The following PUM2 variants were observed in gnomAD, a reference collection of about 807,000 sequenced individuals.
The protein encoded by PUM2 is pumilio homolog 2.
A neutral mutation model predicts 124.5 loss-of-function variants in PUM2; 57 were observed. The ratio of observed to expected loss-of-function variants is 0.46; its 90% CI spans 0.37 to 0.57. PUM2 has a LOEUF of 0.57. Ranked by LOEUF, PUM2 falls within the 20% of genes least tolerant of loss-of-function variation. The pLI, the probability that PUM2 is intolerant of heterozygous loss-of-function variation, is 0.00. For synonymous variants in PUM2, 460 were observed against 446.1 expected (o/e 1.03, Z -0.39); for missense variants, 1,065 against 1,290.6 (o/e 0.83, Z 2.68).
At chr2:20,270,345 A>C (rs542115444) in intron 13 of PUM2, among the ~76,000 whole-genome samples, 1 of 152,326 alleles carries the variant, frequency 6.6e-6, no homozygotes, top group East Asian at 1.9e-4. Flanking sequence ...ATTGGAGTGA[A>C]GAAAAATTAT....
intron 3 of PUM2, among the ~76,000 whole-genome samples, chr2:20,313,612 T>C (rs908956897): frequency 2.6e-5 from 4 of 152,048 alleles, no homozygotes; most frequent in African/African-American, 9.7e-5. Context: ...GGAGGATCAC[T>C]TGAGCAGAGG....
At position 20,297,347 on chromosome 2, in the gene PUM2, G is replaced by A. The variant is rs3732159; in HGVS notation, c.1009+206C>T. Among the ~76,000 whole-genome samples the A allele has an allele frequency of 4.6e-5, 7 of 152,204 alleles. No homozygotes were observed. In the East Asian group the frequency reaches 9.6e-4, roughly 21 times the overall value. ...TGAAATGTAAGCCAATTACGTATACGAGGAAAAGTTATTGCTTAAGCTTTT... is the reference window on the plus strand; with the variant it reads ...TGAAATGTAAGCCAATTACGTATACAAGGAAAAGTTATTGCTTAAGCTTTT... On this transcript the variant is annotated intron_variant, in intron 8 of 20. Transcript: ENST00000361078.
chr2:20,318,652 G>A lies in PUM2; in HGVS notation c.52-7C>T, dbSNP rs751707197. 3.8e-6 allele frequency: 6 copies of A among 1,591,888 alleles called. No homozygotes were observed. The highest frequency in any genetic ancestry group is 1.7e-4 in the Middle Eastern group (1 of 6,040). On this transcript the variant is annotated splice_region_variant and splice_polypyrimidine_tract_variant and intron_variant, in intron 2 of 20. Transcript: ENST00000361078. Reference sequence around the variant, plus strand: ...ACTTTTTGGTAGGCAAAAGCTATTTGGAGGAAAAATTACAGTTAAATTTTA... The same window carrying A: ...ACTTTTTGGTAGGCAAAAGCTATTTAGAGGAAAAATTACAGTTAAATTTTA...
intron 18 of PUM2, 30 bp from the exon 19 acceptor site, chr2:20,255,014 CTAAGTCATTCCT>C: frequency 6.3e-7 from 1 of 1,590,392 alleles, no homozygotes; most frequent in South Asian, 1.1e-5. Flanking sequence ...ATTACTTTCC[CTAAGTCATTCCT>C]TAAGAATGAT....
In PUM2 at chr2:20,330,360, A is replaced by G. The variant is rs140180715; in HGVS notation, c.-18-2982T>C. ...GATGAGTGTCTTCTGCATGCTAATG[A>G]GCTGACTGACTGGGGGCTGGTTGCC... On this transcript the variant is annotated intron_variant, in intron 1 of 20. Transcript: ENST00000361078. 7.0e-4 allele frequency among the ~76,000 whole-genome samples: 107 copies of G among 152,328 alleles called. 1 individual carries two copies. The highest frequency in any genetic ancestry group is 2.2e-3 in the African/African-American group (93 of 41,580).
At chr2:20,296,922 C>A (rs1675741428) in intron 8 of PUM2, among the ~76,000 whole-genome samples, 1 of 152,084 alleles carries the variant, frequency 6.6e-6, no homozygotes, top group Non-Finnish European at 1.5e-5. Flanking sequence ...GACAGTCTCA[C>A]TCTGTCACCC....
intron 1 of PUM2, among the ~76,000 whole-genome samples, chr2:20,343,666 C>T (rs1405423649): frequency 1.3e-5 from 2 of 152,112 alleles, no homozygotes; most frequent in African/African-American, 4.8e-5. Flanking sequence ...CTTTAGGAGG[C>T]CAAGACAGGA....
intron 15 of PUM2, among the ~76,000 whole-genome samples, chr2:20,259,394 C>T (rs1051896121): frequency 2.6e-5 from 4 of 152,264 alleles, no homozygotes; most frequent in East Asian, 1.9e-4. Context: ...AAATCTTTTC[C>T]GTGGCCTCAA....
Position 20,333,414 on chromosome 2 carries a change from G to A in PUM2, c.-18-6036C>T, listed in dbSNP as rs116615104. ...CTGGGCATTATGGTGCACACCTGTG[G>A]TCTCAGCTACCCGAGAGGCTGAGAT... On this transcript the variant is annotated intron_variant, in intron 1 of 20. Coordinates refer to ENST00000361078, the MANE Select transcript of PUM2 (RefSeq NM_015317.5). Among the ~76,000 whole-genome samples the A allele has an allele frequency of 4.4e-3, 675 of 151,986 alleles. 4 individuals are homozygous for A. Among genetic ancestry groups the A allele is most frequent in the African/African-American group, 0.016 (651 of 41,450 alleles).
At chr2:20,266,708 G>T (rs1667742044) in intron 13 of PUM2, among the ~76,000 whole-genome samples, 1 of 152,052 alleles carries the variant, frequency 6.6e-6, no homozygotes, top group Non-Finnish European at 1.5e-5. Flanking sequence ...GACATTCTAT[G>T]AAACAGGCCT....
chr2:20,282,034 T>A (rs1482066043), intron 12 of PUM2, among the ~76,000 whole-genome samples: 3 of 152,224 alleles, frequency 2.0e-5, no homozygotes, highest in Non-Finnish European at 4.4e-5. Context: ...TATTAAGGAC[T>A]GTAGCAAGTT....
chr2:20,256,752 T>C (rs943897265), intron 16 of PUM2, among the ~76,000 whole-genome samples: 4 of 152,058 alleles, frequency 2.6e-5, no homozygotes, highest in Non-Finnish European at 4.4e-5. Flanking sequence ...GCTCTTATAA[T>C]AAAGTGCTTA....
At chr2:20,326,713 G>A (rs1016499771) in intron 2 of PUM2, among the ~76,000 whole-genome samples, 8 of 152,130 alleles carry the variant, frequency 5.3e-5, no homozygotes, top group Admixed American at 1.3e-4. Context: ...TAAGAAATGC[G>A]AAGTGCCTAC....
chr2:20,327,810 A>G (rs1336205946), intron 1 of PUM2, among the ~76,000 whole-genome samples: 1 of 152,110 alleles, frequency 6.6e-6, no homozygotes, highest in East Asian at 1.9e-4. Context: ...TGAAGAAACC[A>G]AAGGACACAG....
At chr2:20,310,646 A>C (rs558717668) in intron 5 of PUM2, among the ~76,000 whole-genome samples, 1 of 120,280 alleles carries the variant, frequency 8.3e-6, no homozygotes, top group African/African-American at 3.2e-5. Context: ...ACTGTTTTTA[A>C]GAAGCATTGT....
intron 7 of PUM2, among the ~76,000 whole-genome samples, chr2:20,300,150 A>AT (rs1373699465): frequency 7.5e-6 from 1 of 133,532 alleles, no homozygotes; most frequent in Non-Finnish European, 1.7e-5. Flanking sequence ...CCTTCAGGTT[A>AT]AATTTTTTTT....
chr2:20,342,017 T>C (rs1042671653), intron 1 of PUM2, among the ~76,000 whole-genome samples: 6 of 150,776 alleles, frequency 4.0e-5, no homozygotes, highest in Non-Finnish European at 7.4e-5. Context: ...TGATCCCAGC[T>C]ACTAGGGAGG....
At chr2:20,341,809 C>G (rs1345941338) in intron 1 of PUM2, among the ~76,000 whole-genome samples, 1 of 152,076 alleles carries the variant, frequency 6.6e-6, no homozygotes, top group South Asian at 2.1e-4. Context: ...AGAATTAATA[C>G]CTCACCAAGG....
At chr2:20,351,382 C>A (rs1175232263), upstream of PUM2, among the ~76,000 whole-genome samples, 4 of 152,208 alleles carry the variant, frequency 2.6e-5, no homozygotes, top group African/African-American at 9.6e-5. Flanking sequence ...GAAGATTGTA[C>A]CCTGCGAGAG....
Sources: allele counts gnomAD v4.1 joint callset (sites outside exome capture counted in the v4.1 genomes callset), GRCh38; gene constraint gnomAD v4.1.1; transcripts MANE v1.5; gene names NCBI Gene and HGNC (gene_info 2026-07-23, HGNC 2026-07-21).